COLGALT2: variants seen among roughly 807,000 people sequenced by gnomAD.
COLGALT2 encodes the protein collagen beta(1-O)galactosyltransferase 2, also known as procollagen galactosyltransferase 2.
In COLGALT2, 49 loss-of-function variants were observed where a neutral mutation model predicts 73.4. The ratio of observed to expected loss-of-function variants is 0.67; its 90% CI spans 0.53 to 0.85. The LOEUF is 0.85. Ranked by LOEUF, COLGALT2 falls within the 40% of genes least tolerant of loss-of-function variation. The pLI, the probability that COLGALT2 is intolerant of heterozygous loss-of-function variation, is 0.00. For missense variants in COLGALT2, 722 were observed against 790.2 expected (o/e 0.91, Z 1.03); for synonymous variants, 295 against 307.6 (o/e 0.96, Z 0.43).
At chr1:183,992,836 GT>G (rs918914928) in intron 1 of COLGALT2, among the ~76,000 whole-genome samples, 1 of 152,152 alleles carries the variant, frequency 6.6e-6, no homozygotes, top group Non-Finnish European at 1.5e-5. Context: ...CAGTTATATG[GT>G]TTTTGGGATC....
chr1:184,007,430 C>A (rs1050312897), intron 1 of COLGALT2, among the ~76,000 whole-genome samples: 1 of 152,104 alleles, frequency 6.6e-6, no homozygotes, highest in Admixed American at 6.6e-5. Context: ...GTTTAACTTG[C>A]GGCTTTCCTT....
At chr1:184,029,147 G>A (rs933792596) in intron 1 of COLGALT2, among the ~76,000 whole-genome samples, 4 of 152,164 alleles carry the variant, frequency 2.6e-5, no homozygotes, top group Non-Finnish European at 5.9e-5. Context: ...CATTTTCACG[G>A]ATCTGAACTA....
rs186978673 is a variant in COLGALT2, at chr1:183,971,649, G to A, written c.627+1967C>T. Reference sequence around the variant, plus strand: ...CCAAAAGAGACACAGAAAATAGCACGCATTCAAAATCTCTTACAGCTAGAA... The same window carrying A: ...CCAAAAGAGACACAGAAAATAGCACACATTCAAAATCTCTTACAGCTAGAA... On this transcript the variant is annotated intron_variant, in intron 4 of 11. Transcript: ENST00000361927. Among the ~76,000 whole-genome samples the A allele has an allele frequency of 2.2e-3, 337 of 152,270 alleles. 3 individuals carry two copies. The highest frequency in any genetic ancestry group is 7.8e-3 in the African/African-American group (323 of 41,548).
chr1:184,011,178 T>A (rs1186348437), intron 1 of COLGALT2, among the ~76,000 whole-genome samples: 1 of 152,192 alleles, frequency 6.6e-6, no homozygotes, highest in Non-Finnish European at 1.5e-5. Flanking sequence ...TCTTTCTCCT[T>A]AGTACATTTC....
chr1:183,990,338 C>A (rs1225449401), intron 1 of COLGALT2, among the ~76,000 whole-genome samples: 3 of 152,206 alleles, frequency 2.0e-5, no homozygotes, highest in Admixed American at 6.5e-5. Context: ...CTAATAAGAA[C>A]TATAAAAACA....
intron 1 of COLGALT2, among the ~76,000 whole-genome samples, chr1:184,009,488 T>C (rs1672177536): frequency 6.6e-6 from 1 of 152,250 alleles, no homozygotes; most frequent in Non-Finnish European, 1.5e-5. Context: ...AAATGGCAGC[T>C]CTTCAGATTA....
chr1:183,940,154 G>A (rs974236570), intron 11 of COLGALT2, among the ~76,000 whole-genome samples: 2 of 152,160 alleles, frequency 1.3e-5, no homozygotes, highest in African/African-American at 4.8e-5. Context: ...ATGAGTCTGG[G>A]TTCCTGACCA....
Position 183,944,103 on chromosome 1 carries a change from A to T in COLGALT2, c.1397+93T>A, listed in dbSNP as rs1558309064. ...CTAGATAAGTGGAAGCTTAAGCTGT[A>T]TCTCCTACTGGCTGTGGAGGTGGGG... On this transcript the variant is annotated intron_variant, in intron 10 of 11. Transcript: ENST00000361927. 2.9e-6 allele frequency: 4 copies of T among 1,365,238 alleles called. No individual in the cohort carries two copies. In the East Asian group the frequency reaches 1.0e-4, roughly 35 times the overall value. 84.6% of individuals were successfully genotyped at this position (1,365,238 alleles called of 1,614,324 possible). A position where few individuals can be genotyped will look rare whatever the true frequency, so the allele number is the denominator to read the frequency against.
At chr1:183,973,855 A>G (rs995916308) in intron 3 of COLGALT2, 105 bp from the exon 4 acceptor site, 171 of 1,057,574 alleles carry the variant, frequency 1.6e-4, no homozygotes, top group African/African-American at 7.8e-4. Context: ...CTCATGACAT[A>G]TGGAACCAGC....
chr1:183,993,693 A>C (rs1269588901), intron 1 of COLGALT2, among the ~76,000 whole-genome samples: 1 of 152,190 alleles, frequency 6.6e-6, no homozygotes, highest in Admixed American at 6.5e-5. Flanking sequence ...TGGAGGTGCC[A>C]TGTGAAGGAA....
intron 10 of COLGALT2, among the ~76,000 whole-genome samples, chr1:183,941,631 C>G (rs1054397940): frequency 1.1e-4 from 17 of 152,220 alleles, no homozygotes; most frequent in African/African-American, 4.1e-4. Flanking sequence ...CTAAAACAAT[C>G]TCTTTCAACA....
chr1:183,973,495 G>A (rs1035145734), intron 4 of COLGALT2, 121 bp downstream of exon 4: 2 of 1,286,480 alleles, frequency 1.6e-6, no homozygotes, highest in Non-Finnish European at 1.1e-6. Flanking sequence ...GCTTGCTCTG[G>A]GAACACAATG....
At chr1:183,959,047 T>G (rs144963612) in intron 6 of COLGALT2, among the ~76,000 whole-genome samples, 1 of 152,266 alleles carries the variant, frequency 6.6e-6, no homozygotes, top group African/African-American at 2.4e-5. Flanking sequence ...AAGTGGCCCA[T>G]GTCAAGGTCA....
intron 4 of COLGALT2, 32 bp from the exon 5 acceptor site, chr1:183,969,505 T>C: frequency 6.4e-7 from 1 of 1,566,118 alleles, no homozygotes; most frequent in African/African-American, 1.4e-5. Flanking sequence ...GGTTGTGTTT[T>C]CTGATTTGAA....
In COLGALT2 at chr1:184,008,258, T is replaced by G. The variant is rs760954535; in HGVS notation, c.263+28837A>C. ...ATGACAGGCCTGTATTTTTTTAAGA[T>G]CGATAGTATCAAAGAGAAAGGCTGA... On this transcript the variant is annotated intron_variant, in intron 1 of 11. Transcript: ENST00000361927. 5.9e-5 allele frequency among the ~76,000 whole-genome samples: 9 copies of G among 152,212 alleles called. No individual in the cohort carries two copies. In the South Asian group the frequency reaches 6.2e-4, roughly 11 times the overall value.
intron 1 of COLGALT2, among the ~76,000 whole-genome samples, chr1:184,024,655 C>CATTTT (rs1553325566): frequency 3.1e-5 from 4 of 128,300 alleles, no homozygotes. Context: ...CCAGCCTCAG[C>CATTTT]TTTTTTTTTT....
chr1:183,995,703 AT>A (rs1003245829), intron 1 of COLGALT2, among the ~76,000 whole-genome samples: 8 of 151,224 alleles, frequency 5.3e-5, no homozygotes, highest in East Asian at 1.9e-4. Flanking sequence ...TTTTCTTCAC[AT>A]TTTTTTCCCT....
At chr1:183,979,780 G>A (rs1266827160) in intron 1 of COLGALT2, among the ~76,000 whole-genome samples, 2 of 151,988 alleles carry the variant, frequency 1.3e-5, no homozygotes, top group Non-Finnish European at 2.9e-5. Context: ...TGGTACAAAT[G>A]GGGAAACAAG....
intron 1 of COLGALT2, among the ~76,000 whole-genome samples, chr1:184,011,939 A>C (rs1396124311): frequency 6.6e-6 from 1 of 152,256 alleles, no homozygotes; most frequent in African/African-American, 2.4e-5. Context: ...ATTATAATTC[A>C]TAATTGTGTA....
Sources: gnomAD v4.1 joint callset for allele counts (sites outside exome capture counted in the v4.1 genomes callset) on GRCh38, gnomAD v4.1.1 for gene constraint, MANE v1.5 for transcripts, NCBI Gene and HGNC (gene_info 2026-07-23, HGNC 2026-07-21) for gene names.